Variants in GCC1 observed in about 807,000 individuals in gnomAD.
GCC1 encodes GRIP and coiled-coil domain containing 1, also known as GRIP and coiled-coil domain-containing protein 1.
GCC1 carries 36 observed loss-of-function variants against 62.5 expected under a neutral mutation model. The observed-to-expected ratio is 0.58, with a 90% CI of 0.44 to 0.76. GCC1 has a LOEUF of 0.76. Ranked by LOEUF, GCC1 falls within the 30% of genes least tolerant of loss-of-function variation. GCC1 has a pLI of 0.00. For synonymous variants in GCC1, 391 were observed against 386.8 expected, an observed-to-expected ratio of 1.01 and a Z score of -0.13; for missense variants, 885 against 948.3, an observed-to-expected ratio of 0.93 and a Z score of 0.88.
chr7:127,582,722 C>A lies in GCC1; in HGVS notation c.1620G>T (p.Glu540Asp). Residue 540 changes from glutamate (E) to aspartate (D), a missense_variant, in exon 2 of 2, where the codon GAG becomes GAT. Physicochemically the swap from Glu to Asp is conservative, Grantham distance 45. Transcript: ENST00000321407. The surrounding 1 kb of genome is among the most constrained non-coding windows in gnomAD (Gnocchi z 4.8). ...CCTCCTGCTGGTGTTGGTGCTCCAG[C>A]TCCTCGCAGGAGAGCCGCAGGGAAA... ...KYISLRLSCE[E>D]LEHQHQQEAD... The A allele has an allele frequency of 6.2e-7, 1 of 1,614,142 alleles. No individual in the cohort carries two copies. Among genetic ancestry groups the A allele is most frequent in the Non-Finnish European group, 8.5e-7 (1 of 1,180,038 alleles).
intron 1 of GCC1, 94 bp from the exon 2 acceptor site, chr7:127,583,403 T>A: frequency 1.1e-6 from 1 of 949,614 alleles, no homozygotes; most frequent in Non-Finnish European, 1.6e-6. Context: ...GTCACAGGTT[T>A]GGGATGGCCT....
At position 127,585,508 on chromosome 7, in the gene GCC1, G is replaced by A; in HGVS notation, c.-326C>T. The A allele has an allele frequency of 9.9e-6, 3 of 303,188 alleles. No individual in the cohort carries two copies. Among genetic ancestry groups the A allele is most frequent in the Non-Finnish European group, 1.2e-5 (2 of 163,364 alleles). The allele number at this position is 303,188 out of a possible 1,614,324, so 18.8% of individuals were successfully genotyped here. A position where few individuals can be genotyped will look rare whatever the true frequency, so the allele number is the denominator to read the frequency against. On this transcript the variant is annotated 5_prime_UTR_variant, in exon 1 of 2. Coordinates refer to ENST00000321407, the MANE Select transcript of GCC1 (RefSeq NM_024523.6). ...CCGCTCGTCTGGGCCACAGCAGCCC[G>A]GGCCGGCCCCCTCGGCCCACGTCGG... is the stretch of plus-strand genomic sequence containing the variant.
At chr7:127,584,001 G>A (rs1562952214) in intron 1 of GCC1, 150 bp downstream of exon 1, 1 of 683,130 alleles carries the variant, frequency 1.5e-6, no homozygotes, top group Non-Finnish European at 2.4e-6. Flanking sequence ...GCATAGAACA[G>A]GACTTCCCAG....
chr7:127,584,120 G>A (rs894782775), intron 1 of GCC1, 31 bp downstream of exon 1: 2 of 1,583,144 alleles, frequency 1.3e-6, no homozygotes, highest in African/African-American at 1.3e-5. Context: ...CAGGTCAATG[G>A]CTGATGTTTG....
rs534332305 is a variant in GCC1, at chr7:127,583,182, T to C, written c.1160A>G (p.Asp387Gly). Residue 387 changes from aspartate to glycine, a missense_variant, in exon 2 of 2, where the codon GAC becomes GGC. Transcript: ENST00000321407. Reference protein sequence around the residue: ...LGTYEKAKQKDQLAIQKLKER... With the variant: ...LGTYEKAKQKGQLAIQKLKER... ...CTTCAGCTTCTGAATGGCCAGCTGG[T>C]CCTTCTGCTTGGCTTTCTCGTAGGT... 13 of 1,613,990 alleles carry C rather than the reference T, an allele frequency of 8.1e-6. No homozygotes were observed. In the African/African-American group the frequency reaches 1.5e-4, roughly 18 times the overall value.
In GCC1 at chr7:127,582,347, C is replaced by T. The variant is rs375417520; in HGVS notation, c.1995G>A (p.Val665=). The change falls in exon 2 of 2, where the codon GTG becomes GTA. Residue 665 remains valine, a synonymous_variant. Coordinates refer to ENST00000321407, the MANE Select transcript of GCC1 (RefSeq NM_024523.6). The surrounding 1 kb of genome is among the most constrained non-coding windows in gnomAD (Gnocchi z 4.8). ...TCTGCTTCCTCAGTGATGTGATCTC[C>T]ACCTCCTTGCGGGCCAGTTGCTCAG... ...LYAEQLARKE[V]EITSLRKQKH... is the part of the protein sequence containing the mutation. 5 of 1,614,236 alleles carry T rather than the reference C, an allele frequency of 3.1e-6. No homozygotes were observed. The highest frequency in any genetic ancestry group is 4.2e-6 in the Non-Finnish European group (5 of 1,180,040).
rs1428139138 is a variant in GCC1 at position 127,584,323 on chromosome 7, C to A, written c.860G>T (p.Gly287Val). Residue 287 changes from glycine (G) to valine (V), a missense_variant, in exon 1 of 2, where the codon GGA (glycine) becomes GTA (valine). Transcript: ENST00000321407. ...CAGCTGCTTGGTCTGCAGTTCAAAT[C>A]CTTCCATCTGTTCAGCTGCATATGC... ...GRAYAAEQME[G>V]FELQTKQLTR... 1.9e-6 allele frequency: 3 copies of A among 1,613,654 alleles called. No individual in the cohort carries two copies. The highest frequency in any genetic ancestry group is 1.3e-5 in the African/African-American group (1 of 74,776).
rs138754679 is a variant in GCC1 at position 127,582,908 on chromosome 7, T to G, written c.1434A>C (p.Ala478=). The G allele has an allele frequency of 1.1e-4, 178 of 1,614,034 alleles. 1 individual carries two copies. The highest frequency in any genetic ancestry group is 2.6e-5 in the Non-Finnish European group (31 of 1,180,036). ...GTTTCAGCTCCTGTTGGTAATAGAGTGCAGTAGCCTTCTCCCCATCAGCAG... is the reference window on the plus strand; with the variant it reads ...GTTTCAGCTCCTGTTGGTAATAGAGGGCAGTAGCCTTCTCCCCATCAGCAG... The part of the protein sequence containing the change: ...SEAADGEKAT[A]LYYQQELKQL... Residue 478 remains alanine, a synonymous_variant, in exon 2 of 2, where the codon GCA becomes GCC. Transcript: ENST00000321407. The surrounding 1 kb of genome is among the most constrained non-coding windows in gnomAD (Gnocchi z 4.8).
Position 127,583,231 on chromosome 7 carries a change from A to T in GCC1, c.1111T>A (p.Ser371Thr), listed in dbSNP as rs1364614275. The T allele has an allele frequency of 6.8e-6, 11 of 1,613,580 alleles. No homozygotes were observed. In the Admixed American group the frequency reaches 1.8e-4, roughly 27 times the overall value. The part of the protein sequence containing the change: ...QRVAALENQI[S>T]EVSELLGTYE... ...GTGCCTAGCAGCTCAGACACCTCGG[A>T]TATTTGATTCTCCAGGGCTGCCACC... Residue 371 changes from serine to threonine, a missense_variant, in exon 2 of 2, where the codon TCC (serine) becomes ACC (threonine). By Grantham distance (58) the Ser-to-Thr change is moderately conservative. Coordinates refer to ENST00000321407, the MANE Select transcript of GCC1 (RefSeq NM_024523.6).
In GCC1 at chr7:127,581,655, T is replaced by C. The variant is rs995367679; in HGVS notation, c.*359A>G. The C allele has an allele frequency of 1.5e-4, 29 of 191,806 alleles. No homozygotes were observed. Among genetic ancestry groups the C allele is most frequent in the Middle Eastern group, 2.1e-3 (1 of 468 alleles). The allele number at this position is 191,806 out of a possible 1,614,324, so 11.9% of individuals were successfully genotyped here. On this transcript the variant is annotated 3_prime_UTR_variant, in exon 2 of 2. Coordinates refer to ENST00000321407, the MANE Select transcript of GCC1 (RefSeq NM_024523.6). The stretch of plus-strand genomic sequence containing the variant: ...ATTTCAGAGATTAACTGAACTCCCT[T>C]TGGAGTCACATTTACTCCTAGCTTT...
chr7:127,583,167 T>C lies in GCC1; in HGVS notation c.1175A>G (p.Gln392Arg). 2 of 1,614,080 alleles carry C rather than the reference T, an allele frequency of 1.2e-6. No individual in the cohort carries two copies. Among genetic ancestry groups the C allele is most frequent in the Non-Finnish European group, 1.7e-6 (2 of 1,180,036 alleles). The change falls in exon 2 of 2, where the codon CAG becomes CGG. Residue 392 changes from glutamine to arginine, a missense_variant. Gln to Arg is a conservative substitution (Grantham distance 43). Coordinates refer to ENST00000321407, the MANE Select transcript of GCC1 (RefSeq NM_024523.6). ...KAKQKDQLAI[Q>R]KLKERILQLD... ...CTGCAGAATGCGCTCCTTCAGCTTCTGAATGGCCAGCTGGTCCTTCTGCTT... is the reference window on the plus strand; with the variant it reads ...CTGCAGAATGCGCTCCTTCAGCTTCCGAATGGCCAGCTGGTCCTTCTGCTT...
Position 127,584,540 on chromosome 7 carries a change from A to G in GCC1, c.643T>C (p.Leu215=), listed in dbSNP as rs749978587. The G allele has an allele frequency of 2.5e-6, 4 of 1,613,384 alleles. No individual in the cohort carries two copies. Among genetic ancestry groups the G allele is most frequent in the South Asian group, 2.2e-5 (2 of 91,036 alleles). ...GCTATTTGCTCCTGCAGCCCCTTCA[A>G]TTCTCCCTCCAGGCGGGCCCTCTCC... ...EEERARLEGE[L]KGLQEQIAET... Residue 215 remains leucine, a synonymous_variant, in exon 1 of 2, where the codon TTG becomes CTG. Coordinates refer to ENST00000321407, the MANE Select transcript of GCC1 (RefSeq NM_024523.6).
In GCC1 at chr7:127,582,002, AT is replaced by A; in HGVS notation, c.*11del. ...AGAGGCACAGAAATTCCAGGAATTC[AT>A]GAAAATGGCATCATCTCTTGCCAGA... is the stretch of plus-strand genomic sequence containing the variant. On this transcript the variant is annotated 3_prime_UTR_variant, in exon 2 of 2. Coordinates refer to ENST00000321407, the MANE Select transcript of GCC1 (RefSeq NM_024523.6). The surrounding 1 kb of genome is among the most constrained non-coding windows in gnomAD (Gnocchi z 4.8). The A allele has an allele frequency of 6.3e-7, 1 of 1,595,344 alleles. No homozygotes were observed. The highest frequency in any genetic ancestry group is 2.2e-5 in the East Asian group (1 of 44,580).
Position 127,585,295 on chromosome 7 carries a change from G to A in GCC1, c.-113C>T. 6 of 988,280 alleles carry A rather than the reference G, an allele frequency of 6.1e-6. No homozygotes were observed. In the Admixed American group the frequency reaches 7.8e-5, roughly 13 times the overall value. 61.2% of individuals were successfully genotyped at this position (988,280 alleles called of 1,614,324 possible). On this transcript the variant is annotated 5_prime_UTR_variant, in exon 1 of 2. Transcript: ENST00000321407. Reference sequence around the variant, plus strand: ...CGAGCGGGCTGTCCGGCGGCGGGCCGCACACCTACTCCACCTAGTTATCCC... The same window carrying A: ...CGAGCGGGCTGTCCGGCGGCGGGCCACACACCTACTCCACCTAGTTATCCC...
Position 127,582,871 on chromosome 7 carries a change from C to T in GCC1, c.1471G>A (p.Glu491Lys). 1.9e-6 allele frequency: 3 copies of T among 1,614,208 alleles called. No individual in the cohort carries two copies. The highest frequency in any genetic ancestry group is 2.2e-5 in the East Asian group (1 of 44,878). Residue 491 changes from glutamate to lysine, a missense_variant, in exon 2 of 2, where the codon GAG becomes AAG. Transcript: ENST00000321407. This position sits in a 1 kb window ranked among gnomAD's most constrained non-coding sequence, Gnocchi z 4.8. Reference sequence around the variant, plus strand: ...GCTCTCATCTTGTACCTCTCAAACTCTTCCTTCAGCTGTTTCAGCTCCTGT... The same window carrying T: ...GCTCTCATCTTGTACCTCTCAAACTTTTCCTTCAGCTGTTTCAGCTCCTGT... ...YQQELKQLKE[E>K]FERYKMRAQV... is the part of the protein sequence containing the mutation.
chr7:127,584,770 C>A lies in GCC1; in HGVS notation c.413G>T (p.Ser138Ile). 1 of 1,614,262 alleles carries A rather than the reference C, an allele frequency of 6.2e-7. No individual in the cohort carries two copies. Among genetic ancestry groups the A allele is most frequent in the Non-Finnish European group, 8.5e-7 (1 of 1,180,042 alleles). ...ATCCCCACTGCTACTGCTAACGCCA[C>A]TCTCGGACCAACTGGCCTCTTCGGA... is the stretch of plus-strand genomic sequence containing the variant. ...PKSEEASWSE[S>I]GVSSSSGDGP... The change falls in exon 1 of 2, where the codon AGT (serine) becomes ATT (isoleucine). Residue 138 changes from serine (S) to isoleucine (I), a missense_variant. By Grantham distance (142) the Ser-to-Ile change is moderately radical. Transcript: ENST00000321407.
In GCC1 at chr7:127,584,395, T is replaced by C; in HGVS notation, c.788A>G (p.Asp263Gly). Reference sequence around the variant, plus strand: ...GGTCTCTTCTAACCTAAGCTCCAAGTCCTGGCGCTGGGTCCTCTCCTCCTG... The same window carrying C: ...GGTCTCTTCTAACCTAAGCTCCAAGCCCTGGCGCTGGGTCCTCTCCTCCTG... ...LLQEERTQRQ[D>G]LELRLEETRE... Residue 263 changes from aspartate (D) to glycine (G), a missense_variant, in exon 1 of 2, where the codon GAC (aspartate) becomes GGC (glycine). Asp to Gly is a moderately conservative substitution (Grantham distance 94, BLOSUM62 -1). Transcript: ENST00000321407. 6.2e-7 allele frequency: 1 copy of C among 1,614,022 alleles called. No individual in the cohort carries two copies. The highest frequency in any genetic ancestry group is 8.5e-7 in the Non-Finnish European group (1 of 1,180,012).
chr7:127,582,435 G>A lies in GCC1; in HGVS notation c.1907C>T (p.Ser636Phe). 7 of 1,614,168 alleles carry A rather than the reference G, an allele frequency of 4.3e-6. No individual in the cohort carries two copies. The highest frequency in any genetic ancestry group is 5.9e-6 in the Non-Finnish European group (7 of 1,180,030). ...GPGDPADTSS[S>F]DSLTQALQLA... is the part of the protein sequence containing the mutation. ...TTGTAATGCTTGGGTCAGGCTATCAGAGGATGATGTGTCAGCTGGGTCCCC... is the reference window on the plus strand; with the variant it reads ...TTGTAATGCTTGGGTCAGGCTATCAAAGGATGATGTGTCAGCTGGGTCCCC... Residue 636 changes from serine to phenylalanine, a missense_variant, in exon 2 of 2, where the codon TCT becomes TTT. Transcript: ENST00000321407. This position sits in a 1 kb window ranked among gnomAD's most constrained non-coding sequence, Gnocchi z 4.8.
rs767752826 is a variant in GCC1, at chr7:127,584,936, C to G, written c.247G>C (p.Val83Leu). 4 of 1,614,074 alleles carry G rather than the reference C, an allele frequency of 2.5e-6. No individual in the cohort carries two copies. In the Admixed American group the frequency reaches 5.0e-5, roughly 20 times the overall value. Residue 83 changes from valine (V) to leucine (L), a missense_variant, in exon 1 of 2, where the codon GTG becomes CTG. Coordinates refer to ENST00000321407, the MANE Select transcript of GCC1 (RefSeq NM_024523.6). ...CTGTGAGTGGAGCACCGGTCATCCA[C>G]AGAGTCAGGAAAGGTGAGGCCTGGA... is the stretch of plus-strand genomic sequence containing the variant. ...QLPGLTFPDSVDDRCSTHSED... is the reference protein window; with the variant it reads ...QLPGLTFPDSLDDRCSTHSED...
Sources: allele counts gnomAD v4.1 joint callset, GRCh38; gene constraint gnomAD v4.1.1; non-coding constraint Gnocchi (gnomAD v3.1); transcripts MANE v1.5; gene names NCBI Gene and HGNC (gene_info 2026-07-23, HGNC 2026-07-21).